MYT1L: variants seen among roughly 807,000 people sequenced by gnomAD.
MYT1L encodes the protein myelin transcription factor 1 like, also known as myelin transcription factor 1-like protein.
MYT1L carries 12 observed loss-of-function variants against 126.7 expected under a neutral mutation model. That is an observed-to-expected ratio of 0.09 (90% CI 0.06 to 0.15). MYT1L has a LOEUF of 0.15. Ranked by LOEUF, MYT1L falls within the 10% of genes least tolerant of loss-of-function variation. MYT1L has a pLI of 1.00. For missense variants in MYT1L, 979 were observed against 1,585.2 expected, an observed-to-expected ratio of 0.62 and a Z score of 6.49; for synonymous variants, 541 against 604.2, an observed-to-expected ratio of 0.90 and a Z score of 1.53.
At chr2:2,044,507 C>A (rs1308062270) in intron 4 of MYT1L, among the ~76,000 whole-genome samples, 1 of 152,202 alleles carries the variant, frequency 6.6e-6, no homozygotes, top group Admixed American at 6.5e-5. Flanking sequence ...ATTCGAACCA[C>A]AGCACAAAAC....
chr2:2,143,964 G>T (rs2084457049), intron 3 of MYT1L, among the ~76,000 whole-genome samples: 1 of 151,722 alleles, frequency 6.6e-6, no homozygotes, highest in African/African-American at 2.4e-5. Flanking sequence ...ACTATTAGAG[G>T]GGGAGGGAGG....
At chr2:2,018,572 A>G (rs867702745) in intron 4 of MYT1L, among the ~76,000 whole-genome samples, 1 of 152,236 alleles carries the variant, frequency 6.6e-6, no homozygotes, top group African/African-American at 2.4e-5. Flanking sequence ...CAGGCCGCTC[A>G]TCGGATTCAG....
intron 2 of MYT1L, among the ~76,000 whole-genome samples, chr2:2,207,965 T>A (rs1362406628): frequency 6.6e-6 from 1 of 152,086 alleles, no homozygotes; most frequent in African/African-American, 2.4e-5. Context: ...GGGCCCCCTA[T>A]TGTCCACTCT....
At chr2:1,882,828 A>G (rs986130717) in intron 18 of MYT1L, among the ~76,000 whole-genome samples, 1 of 152,178 alleles carries the variant, frequency 6.6e-6, no homozygotes, top group Non-Finnish European at 1.5e-5. Context: ...AAGCCTCGGG[A>G]TGGTCTAGAA....
rs769432447 is a variant in MYT1L at position 1,910,102 on chromosome 2, C to CG, written c.1817+137dup. The CG allele has an allele frequency of 6.7e-6, 5 of 746,182 alleles. No individual in the cohort carries two copies. The South Asian group carries it at 9.0e-5, about 13-fold the overall frequency. The allele number at this position is 746,182 out of a possible 1,614,324, so 46.2% of individuals were successfully genotyped here. Reference sequence around the variant, plus strand: ...GGCCTGGAGTGAGGGGTCCTGGCCCCGGCTTCCAGCACAGCCCCGCCCTCC... The same window carrying CG: ...GGCCTGGAGTGAGGGGTCCTGGCCCCGGGCTTCCAGCACAGCCCCGCCCTCC... On this transcript the variant is annotated intron_variant, in intron 13 of 24. Transcript: ENST00000647738. This position sits in a 1 kb window ranked among gnomAD's most constrained non-coding sequence, Gnocchi z 4.8.
chr2:1,829,279 T>G (rs2039783169), intron 21 of MYT1L, among the ~76,000 whole-genome samples: 1 of 150,936 alleles, frequency 6.6e-6, no homozygotes, highest in African/African-American at 2.4e-5. Flanking sequence ...GAACTGACCC[T>G]CCCATACACC....
At chr2:2,211,611 G>A (rs2093511170) in intron 2 of MYT1L, among the ~76,000 whole-genome samples, 1 of 151,972 alleles carries the variant, frequency 6.6e-6, no homozygotes, top group Non-Finnish European at 1.5e-5. Flanking sequence ...TTCGAGAACA[G>A]CCTAGCCAAC....
chr2:1,957,517 T>C (rs1194161269), intron 8 of MYT1L, among the ~76,000 whole-genome samples: 1 of 152,150 alleles, frequency 6.6e-6, no homozygotes, highest in African/African-American at 2.4e-5. Flanking sequence ...CCTACCTCTG[T>C]CATCTTTCTA....
rs28391850 is a variant in MYT1L, at chr2:1,956,511, A to T, written c.153-13177T>A. On this transcript the variant is annotated intron_variant, in intron 8 of 24. Transcript: ENST00000647738. ...TGTCCTATTCTATATTTCCTATTCT[A>T]TCTATCTATCTATCTATCTATCTAT... 6.8e-5 allele frequency among the ~76,000 whole-genome samples: 6 copies of T among 88,306 alleles called. 1 individual carries two copies. Among genetic ancestry groups the T allele is most frequent in the African/African-American group, 2.3e-4 (5 of 21,728 alleles). The allele number at this position is 88,306 out of a possible 152,430, so 57.9% of individuals were successfully genotyped here.
chr2:1,876,690 A>G (rs2046958457), intron 18 of MYT1L, among the ~76,000 whole-genome samples: 1 of 152,168 alleles, frequency 6.6e-6, no homozygotes, highest in Admixed American at 6.5e-5. Context: ...CCCCACTGCC[A>G]GGGCTCCGGA....
chr2:2,090,214 A>G lies in MYT1L; in HGVS notation c.-303-36091T>C, dbSNP rs1371799620. Among the ~76,000 whole-genome samples, 3 of 152,094 alleles carry G rather than the reference A, an allele frequency of 2.0e-5. No homozygotes were observed. In the East Asian group the frequency reaches 5.8e-4, roughly 30 times the overall value. On this transcript the variant is annotated intron_variant, in intron 3 of 24. Transcript: ENST00000647738. ...TCTTTGTCAATCAATCAAAACATAA[A>G]CTTGTTTTATGTGTGTTTCTGTTTA...
intron 2 of MYT1L, among the ~76,000 whole-genome samples, chr2:2,237,041 C>T (rs754863493): frequency 1.8e-4 from 27 of 152,094 alleles, no homozygotes; most frequent in Non-Finnish European, 3.1e-4. Flanking sequence ...CTCGAACTCC[C>T]GACCTCAGGT....
chr2:1,957,951 T>G (rs2058641538), intron 8 of MYT1L, among the ~76,000 whole-genome samples: 1 of 152,170 alleles, frequency 6.6e-6, no homozygotes, highest in African/African-American at 2.4e-5. Flanking sequence ...CTTCAACCCA[T>G]TTCCAGCTGG....
intron 1 of MYT1L, among the ~76,000 whole-genome samples, chr2:2,314,480 C>T (rs1332734231): frequency 2.6e-5 from 4 of 152,326 alleles, no homozygotes; most frequent in Admixed American, 1.3e-4. Context: ...ATCCCAGATT[C>T]CACATGTTCA....
At chr2:1,990,604 T>C (rs1326410455) in intron 5 of MYT1L, among the ~76,000 whole-genome samples, 1 of 152,074 alleles carries the variant, frequency 6.6e-6, no homozygotes, top group African/African-American at 2.4e-5. Flanking sequence ...TCAGGCAAGT[T>C]ATCTAAGCTC....
At chr2:2,044,894 C>T (rs749284354) in intron 4 of MYT1L, among the ~76,000 whole-genome samples, 43 of 152,330 alleles carry the variant, frequency 2.8e-4, no homozygotes, top group South Asian at 8.3e-4. Context: ...ATGACATTCA[C>T]AGCAGGTACA....
At chr2:2,101,796 T>A (rs930590811) in intron 3 of MYT1L, among the ~76,000 whole-genome samples, 1 of 152,206 alleles carries the variant, frequency 6.6e-6, no homozygotes, top group African/African-American at 2.4e-5. Context: ...GTTGTAAAGA[T>A]TGAAGAGACA....
In MYT1L at chr2:1,839,322, G is replaced by A. The variant is rs571062392; in HGVS notation, c.2907C>T (p.Tyr969=). Residue 969 remains tyrosine (Y), a synonymous_variant, in exon 21 of 25, where the codon TAC becomes TAT. Transcript: ENST00000647738. ...ACCCGGAGGCGCTGCGATGGGACGC[G>A]TACTTCCCAGTGATGTGGCCCTGGC... ...CDGQGHITGK[Y]ASHRSASGCP... The A allele has an allele frequency of 1.3e-5, 21 of 1,613,528 alleles. No homozygotes were observed. Among genetic ancestry groups the A allele is most frequent in the Middle Eastern group, 1.6e-4 (1 of 6,062 alleles).
chr2:1,987,940 C>T lies in MYT1L; in HGVS notation c.1-8163G>A, dbSNP rs370324590. Among the ~76,000 whole-genome samples the T allele has an allele frequency of 1.4e-4, 21 of 152,336 alleles. 1 individual carries two copies. The highest frequency in any genetic ancestry group is 4.8e-4 in the African/African-American group (20 of 41,572). ...AACTCCCCCTGAAGCTGTCCTCTAGCACGTGAGCTTTTGGTCAATGTTTAA... is the reference window on the plus strand; with the variant it reads ...AACTCCCCCTGAAGCTGTCCTCTAGTACGTGAGCTTTTGGTCAATGTTTAA... On this transcript the variant is annotated intron_variant, in intron 5 of 24. Coordinates refer to ENST00000647738, the MANE Select transcript of MYT1L (RefSeq NM_001303052.2).
Sources: gnomAD v4.1 joint callset for allele counts (sites outside exome capture counted in the v4.1 genomes callset) on GRCh38, gnomAD v4.1.1 for gene constraint, Gnocchi (gnomAD v3.1) non-coding constraint, MANE v1.5 for transcripts, NCBI Gene and HGNC (gene_info 2026-07-23, HGNC 2026-07-21) for gene names.